Variants in ZNF626 observed in about 807,000 individuals in gnomAD.
ZNF626 encodes the protein zinc finger protein 626, also known as CTC-513N18.7.
Under a neutral mutation model 11.7 loss-of-function variants are expected in ZNF626, and 4 were observed. The observed-to-expected ratio is 0.34, with a 90% CI of 0.17 to 0.78. The LOEUF is 0.78. Among genes scored for constraint, ZNF626 ranks in the 30% least tolerant of loss-of-function variants. The pLI is 0.57. For missense variants in ZNF626, 588 were observed against 587.1 expected, an observed-to-expected ratio of 1.00 and a Z score of -0.01; for synonymous variants, 179 against 198.6, an observed-to-expected ratio of 0.90 and a Z score of 0.83.
intron 1 of ZNF626, among the ~76,000 whole-genome samples, chr19:20,650,001 A>G (rs1402148253): frequency 1.3e-5 from 2 of 152,258 alleles, no homozygotes; most frequent in Non-Finnish European, 2.9e-5. Flanking sequence ...AACAGAAGGC[A>G]GCAATGTCTG....
chr19:20,630,567 A>G (rs1357909011), intron 3 of ZNF626, among the ~76,000 whole-genome samples: 1 of 152,116 alleles, frequency 6.6e-6, no homozygotes, highest in Non-Finnish European at 1.5e-5. Flanking sequence ...TTATTTGCAT[A>G]GAGGTGTTTA....
At chr19:20,629,136 G>A (rs1379724414) in intron 3 of ZNF626, among the ~76,000 whole-genome samples, 4 of 152,074 alleles carry the variant, frequency 2.6e-5, no homozygotes, top group African/African-American at 9.7e-5. Context: ...TGTTCCATTG[G>A]TCTATATCTC....
intron 2 of ZNF626, 63 bp downstream of exon 2, chr19:20,646,215 AC>A (rs1199953081): frequency 5.4e-6 from 8 of 1,470,514 alleles, no homozygotes; most frequent in African/African-American, 1.5e-5. Flanking sequence ...TTACTAAAAA[AC>A]ATTCTACAAA....
In ZNF626 at chr19:20,620,457, T is replaced by A. The variant is rs1203086353; in HGVS notation, c.*3833A>T. ...AGGAATATGTGTATATTTCACTCTA[T>A]GAAAATTAAAAGTCTTTACGTTTGC... On this transcript the variant is annotated 3_prime_UTR_variant, in exon 4 of 4. Coordinates refer to ENST00000601440, the MANE Select transcript of ZNF626 (RefSeq NM_001076675.3). 6.6e-6 allele frequency: 1 copy of A among 152,236 alleles called. No homozygotes were observed. The highest frequency in any genetic ancestry group is 1.5e-5 in the Non-Finnish European group (1 of 68,040). The allele number at this position is 152,236 out of a possible 1,614,324, so 9.4% of individuals were successfully genotyped here.
At chr19:20,661,293 C>A (rs1026023950) in intron 1 of ZNF626, 151 bp downstream of exon 1, 4 of 1,068,494 alleles carry the variant, frequency 3.7e-6, no homozygotes, top group Non-Finnish European at 1.4e-6. Flanking sequence ...CATTTTATGG[C>A]TGAACAGGAC....
intron 3 of ZNF626, among the ~76,000 whole-genome samples, chr19:20,636,364 T>C (rs1439752155): frequency 2.6e-5 from 4 of 152,028 alleles, no homozygotes; most frequent in Admixed American, 2.6e-4. Flanking sequence ...AATATATTGT[T>C]ATATACAATT....
chr19:20,637,484 CAAAA>C, intron 3 of ZNF626, among the ~76,000 whole-genome samples: 1 of 121,838 alleles, frequency 8.2e-6, no homozygotes, highest in East Asian at 2.3e-4. Context: ...CACTCTGTCT[CAAAA>C]AAAAAAAAAA....
chr19:20,657,497 A>G (rs1166614046), intron 1 of ZNF626, among the ~76,000 whole-genome samples: 2 of 152,142 alleles, frequency 1.3e-5, no homozygotes, highest in Non-Finnish European at 2.9e-5. Context: ...GAAGCTGGAG[A>G]CAATTATTCT....
At chr19:20,630,872 T>C (rs543519659) in intron 3 of ZNF626, among the ~76,000 whole-genome samples, 1 of 151,946 alleles carries the variant, frequency 6.6e-6, no homozygotes, top group South Asian at 2.1e-4. Context: ...TGTTAGGGTG[T>C]CAATTTTAGA....
Position 20,636,349 on chromosome 19 carries a change from TA to T in ZNF626, c.226+9334del, listed in dbSNP as rs561935205. 4.6e-4 allele frequency among the ~76,000 whole-genome samples: 70 copies of T among 152,094 alleles called. 1 individual carries two copies. In the East Asian group the frequency reaches 0.012, roughly 27 times the overall value. Reference sequence around the variant, plus strand: ...AATATTGTTACATACAATTATAAACTAAAAAATATATTGTTATATACAATTA... The same window carrying T: ...AATATTGTTACATACAATTATAAACTAAAAATATATTGTTATATACAATTA... On this transcript the variant is annotated intron_variant, in intron 3 of 3. Coordinates refer to ENST00000601440, the MANE Select transcript of ZNF626 (RefSeq NM_001076675.3).
chr19:20,648,351 A>G (rs1555772157), intron 1 of ZNF626, among the ~76,000 whole-genome samples: 1 of 147,870 alleles, frequency 6.8e-6, no homozygotes, highest in Non-Finnish European at 1.5e-5. Context: ...TCCCATTTAA[A>G]TAAGCATTTT....
intron 1 of ZNF626, among the ~76,000 whole-genome samples, chr19:20,650,990 C>G (rs1599485966): frequency 6.6e-6 from 1 of 152,054 alleles, no homozygotes; most frequent in East Asian, 1.9e-4. Context: ...AGTTCAAGAC[C>G]AGACTAACCA....
chr19:20,628,184 G>A (rs1235310763), intron 3 of ZNF626, among the ~76,000 whole-genome samples: 1 of 152,094 alleles, frequency 6.6e-6, no homozygotes, highest in Non-Finnish European at 1.5e-5. Flanking sequence ...TATCGTTGTT[G>A]GACATTTAGG....
At chr19:20,648,763 A>C (rs1420891685) in intron 1 of ZNF626, among the ~76,000 whole-genome samples, 1 of 152,178 alleles carries the variant, frequency 6.6e-6, no homozygotes, top group Non-Finnish European at 1.5e-5. Flanking sequence ...TTTACTAAGG[A>C]CCACAGTTTT....
At position 20,624,141 on chromosome 19, in the gene ZNF626, TTTAGAGGAGTGC is replaced by T. The variant is rs1555769099; in HGVS notation, c.*137_*148del. 5 of 1,253,242 alleles carry T rather than the reference TTTAGAGGAGTGC, an allele frequency of 4.0e-6. No individual in the cohort carries two copies. The highest frequency in any genetic ancestry group is 5.8e-6 in the Non-Finnish European group (5 of 856,442). 77.6% of individuals were successfully genotyped at this position (1,253,242 alleles called of 1,614,324 possible). A position where few individuals can be genotyped will look rare whatever the true frequency, so the allele number is the denominator to read the frequency against. ...TATGAAATCTCTTATGTGTAGTAAG[TTTAGAGGAGTGC>T]TTAAAGGCTTTGCCACATTCTTCAC... On this transcript the variant is annotated 3_prime_UTR_variant, in exon 4 of 4. Transcript: ENST00000601440.
At chr19:20,644,632 T>C (rs1555771729) in intron 3 of ZNF626, 1 of 152,398 alleles carries the variant, frequency 6.6e-6, no homozygotes, top group Non-Finnish European at 1.5e-5. Flanking sequence ...TCAATGCTTC[T>C]ATTTTAATGT....
chr19:20,632,703 A>T (rs1555770481), intron 3 of ZNF626, among the ~76,000 whole-genome samples: 1 of 152,028 alleles, frequency 6.6e-6, no homozygotes, highest in East Asian at 1.9e-4. Flanking sequence ...TTTTTTTTCA[A>T]AGCCTTTAAC....
chr19:20,625,955 C>A (rs1481082945), intron 3 of ZNF626, among the ~76,000 whole-genome samples: 1 of 152,160 alleles, frequency 6.6e-6, no homozygotes, highest in Non-Finnish European at 1.5e-5. Context: ...TCCAGTATAA[C>A]ATTGTGCCTT....
chr19:20,629,741 T>G (rs1425306537), intron 3 of ZNF626, among the ~76,000 whole-genome samples: 1 of 152,174 alleles, frequency 6.6e-6, no homozygotes, highest in Admixed American at 6.5e-5. Flanking sequence ...CAATTTGACT[T>G]CCTCTTTTCC....
Sources: allele counts gnomAD v4.1 joint callset (sites outside exome capture counted in the v4.1 genomes callset), GRCh38; gene constraint gnomAD v4.1.1; transcripts MANE v1.5; gene names NCBI Gene and HGNC (gene_info 2026-07-23, HGNC 2026-07-21).